CD38: variants seen among roughly 807,000 people sequenced by gnomAD.
CD38 encodes ADP-ribosyl cyclase/cyclic ADP-ribose hydrolase 1.
A neutral mutation model predicts 36.3 loss-of-function variants in CD38; 31 were observed. The observed-to-expected ratio is 0.85, with a 90% CI of 0.64 to 1.15. The LOEUF is 1.15. CD38 is among the 50% of genes most tolerant of loss of function. The pLI is 0.00. For missense variants in CD38, 380 were observed against 371.9 expected, an observed-to-expected ratio of 1.02 and a Z score of -0.18; for synonymous variants, 131 against 135.2, an observed-to-expected ratio of 0.97 and a Z score of 0.22.
At chr4:15,791,557 G>A (rs1478611867) in intron 1 of CD38, among the ~76,000 whole-genome samples, 1 of 80,886 alleles carries the variant, frequency 1.2e-5, no homozygotes, top group East Asian at 3.3e-4. Context: ...CCGGCCAGCC[G>A]CCCCGTCCGG....
chr4:15,808,399 T>C (rs73226574), intron 1 of CD38, among the ~76,000 whole-genome samples: 10,020 of 152,224 alleles, frequency 0.066, 355 homozygotes, highest in African/African-American at 0.069. Context: ...CCACCAAGGG[T>C]GCTTGGACCT....
chr4:15,778,959 G>T lies in CD38; in HGVS notation c.233+312G>T, dbSNP rs1394624457. ...CAAGGTGCCCTGAGCCCAGCCCCTCGCCGGGCTGCAGCCCACCCTCGGCGC... is the reference window on the plus strand; with the variant it reads ...CAAGGTGCCCTGAGCCCAGCCCCTCTCCGGGCTGCAGCCCACCCTCGGCGC... On this transcript the variant is annotated intron_variant, in intron 1 of 7. Coordinates refer to ENST00000226279, the MANE Select transcript of CD38 (RefSeq NM_001775.4). The surrounding 1 kb of genome is among the most constrained non-coding windows in gnomAD (Gnocchi z 4.9). Among the ~76,000 whole-genome samples the T allele has an allele frequency of 6.6e-6, 1 of 152,118 alleles. No homozygotes were observed. The highest frequency in any genetic ancestry group is 6.5e-5 in the Admixed American group (1 of 15,290).
intron 4 of CD38, among the ~76,000 whole-genome samples, chr4:15,836,927 G>A (rs72616192): frequency 0.059 from 8,920 of 152,212 alleles, 361 homozygotes; most frequent in East Asian, 0.18. Flanking sequence ...GTTCCATAGG[G>A]TTACTGCAAT....
intron 7 of CD38, among the ~76,000 whole-genome samples, chr4:15,841,245 T>C (rs1724198604): frequency 1.3e-5 from 2 of 152,190 alleles, no homozygotes. Context: ...TTTCCACGTA[T>C]AATAGCTTGG....
intron 7 of CD38, among the ~76,000 whole-genome samples, chr4:15,847,948 C>T (rs1724299038): frequency 1.3e-5 from 2 of 152,162 alleles, no homozygotes; most frequent in African/African-American, 2.4e-5. Flanking sequence ...CCAGGTGACA[C>T]ATCACAAGGG....
rs962135843 is a variant in CD38, at chr4:15,853,217, A to G, written c.*4615A>G. ...ACAAAAATGAATTAAACAAACAATAAAAGTATAATAAAGAACTGTGCTGAA... is the reference window on the plus strand; with the variant it reads ...ACAAAAATGAATTAAACAAACAATAGAAGTATAATAAAGAACTGTGCTGAA... On this transcript the variant is annotated 3_prime_UTR_variant, in exon 8 of 8. Coordinates refer to ENST00000226279, the MANE Select transcript of CD38 (RefSeq NM_001775.4). 6.6e-6 allele frequency: 1 copy of G among 152,162 alleles called. No homozygotes were observed. The highest frequency in any genetic ancestry group is 1.5e-5 in the Non-Finnish European group (1 of 67,970). The allele number at this position is 152,162 out of a possible 1,614,324, so 9.4% of individuals were successfully genotyped here.
intron 1 of CD38, among the ~76,000 whole-genome samples, chr4:15,805,503 T>C (rs868239242): frequency 1.3e-5 from 2 of 152,324 alleles, no homozygotes; most frequent in Non-Finnish European, 2.9e-5. Flanking sequence ...ACTCATAAAT[T>C]TCTAGCATGC....
At chr4:15,812,338 T>A (rs912919667) in intron 1 of CD38, among the ~76,000 whole-genome samples, 2 of 152,234 alleles carry the variant, frequency 1.3e-5, no homozygotes, top group Non-Finnish European at 2.9e-5. Flanking sequence ...AAGAAGGAAC[T>A]GGGATTTTTA....
chr4:15,848,067 C>G (rs967980188), intron 7 of CD38, among the ~76,000 whole-genome samples: 2 of 152,226 alleles, frequency 1.3e-5, no homozygotes, highest in Non-Finnish European at 2.9e-5. Flanking sequence ...TAAAGAACCC[C>G]ATTCCTCGCT....
intron 1 of CD38, among the ~76,000 whole-genome samples, chr4:15,781,442 G>C (rs1722695035): frequency 6.6e-6 from 1 of 152,192 alleles, no homozygotes; most frequent in Non-Finnish European, 1.5e-5. Flanking sequence ...TAGAGAGAAA[G>C]AGATTTTAAG....
At chr4:15,793,253 T>G (rs1365534517) in intron 1 of CD38, among the ~76,000 whole-genome samples, 2 of 151,630 alleles carry the variant, frequency 1.3e-5, no homozygotes, top group Non-Finnish European at 2.9e-5. Flanking sequence ...TTTCATAACT[T>G]TCTGATTTTT....
At chr4:15,812,655 G>A (rs548358369) in intron 1 of CD38, among the ~76,000 whole-genome samples, 1 of 152,100 alleles carries the variant, frequency 6.6e-6, no homozygotes, top group African/African-American at 2.4e-5. Context: ...AGCCGAGATC[G>A]CACCATTGCA....
chr4:15,826,222 A>G (rs937082688), intron 3 of CD38: 28 of 152,296 alleles, frequency 1.8e-4, no homozygotes, highest in African/African-American at 5.8e-4. Context: ...TCAAAGGGTA[A>G]CTATTATCAG....
At chr4:15,799,905 G>A (rs1723180595) in intron 1 of CD38, among the ~76,000 whole-genome samples, 1 of 152,070 alleles carries the variant, frequency 6.6e-6, no homozygotes, top group Non-Finnish European at 1.5e-5. Flanking sequence ...AAGTCTCTTG[G>A]GTAACTGCCA....
In CD38 at chr4:15,848,486, C is replaced by T. The variant is rs930446030; in HGVS notation, c.840-53C>T. 3.0e-5 allele frequency: 42 copies of T among 1,395,590 alleles called. 1 individual carries two copies. Among genetic ancestry groups the T allele is most frequent in the Admixed American group, 1.7e-4 (10 of 58,582 alleles). The allele number at this position is 1,395,590 out of a possible 1,614,324, so 86.5% of individuals were successfully genotyped here. Reference sequence around the variant, plus strand: ...GGGCTTCCTCCATTAGCGAATTGGACGACAGATGTATCCTACGGTCTCTTG... The same window carrying T: ...GGGCTTCCTCCATTAGCGAATTGGATGACAGATGTATCCTACGGTCTCTTG... On this transcript the variant is annotated intron_variant, in intron 7 of 7. Transcript: ENST00000226279.
chr4:15,813,672 C>T lies in CD38; in HGVS notation c.234-2839C>T, dbSNP rs186348219. Reference sequence around the variant, plus strand: ...GTCCATGTGTTCTCACTGTTCAACTCTCACTTATGAGTGAGAAGACGTGGT... The same window carrying T: ...GTCCATGTGTTCTCACTGTTCAACTTTCACTTATGAGTGAGAAGACGTGGT... On this transcript the variant is annotated intron_variant, in intron 1 of 7. Transcript: ENST00000226279. Among the ~76,000 whole-genome samples the T allele has an allele frequency of 4.7e-3, 709 of 152,284 alleles. 7 individuals carry two copies. The highest frequency in any genetic ancestry group is 0.016 in the African/African-American group (679 of 41,540).
rs78757928 is a variant in CD38, at chr4:15,840,260, C to A, written c.752+142C>A. The A allele has an allele frequency of 7.4e-4, 548 of 737,014 alleles. No individual in the cohort carries two copies. The African/African-American group carries it at 8.1e-3, about 11-fold the overall frequency. The allele number at this position is 737,014 out of a possible 1,614,324, so 45.7% of individuals were successfully genotyped here. A position where few individuals can be genotyped will look rare whatever the true frequency, so the allele number is the denominator to read the frequency against. On this transcript the variant is annotated intron_variant, in intron 6 of 7. Coordinates refer to ENST00000226279, the MANE Select transcript of CD38 (RefSeq NM_001775.4). ...TGCATGAATCCCAACAGCCTCTTAA[C>A]TTTATCTCCACAAAGGATATTTAAC...
At chr4:15,811,802 G>C in intron 1 of CD38, among the ~76,000 whole-genome samples, 1 of 152,194 alleles carries the variant, frequency 6.6e-6, no homozygotes, top group East Asian at 1.9e-4. Flanking sequence ...AGTTTTATGG[G>C]TTAGGGAGGG....
intron 1 of CD38, among the ~76,000 whole-genome samples, chr4:15,815,740 A>G (rs980367436): frequency 3.9e-5 from 6 of 151,988 alleles, no homozygotes; most frequent in Non-Finnish European, 8.8e-5. Context: ...CTCTTCCTAT[A>G]TGAGTACACT....
Sources: gnomAD v4.1 joint callset for allele counts (sites outside exome capture counted in the v4.1 genomes callset) on GRCh38, gnomAD v4.1.1 for gene constraint, Gnocchi (gnomAD v3.1) non-coding constraint, MANE v1.5 for transcripts, NCBI Gene and HGNC (gene_info 2026-07-23, HGNC 2026-07-21) for gene names.